KPNA7: variants seen among roughly 807,000 people sequenced by gnomAD.
KPNA7 encodes the protein importin subunit alpha-8.
In KPNA7, 54 loss-of-function variants were observed where a neutral mutation model predicts 53.7. The observed-to-expected ratio is 1.01, with a 90% CI of 0.81 to 1.26. The LOEUF is 1.26. Ranked by LOEUF, KPNA7 falls within the 50% of genes most tolerant of loss-of-function variation. KPNA7 has a pLI of 0.00. For missense variants in KPNA7, 640 were observed against 644.5 expected, an observed-to-expected ratio of 0.99 and a Z score of 0.07; for synonymous variants, 276 against 259.3, an observed-to-expected ratio of 1.06 and a Z score of -0.62.
rs959675792 is a variant in KPNA7, at chr7:99,191,925, C to T, written c.636+1094G>A. Among the ~76,000 whole-genome samples, 5 of 152,178 alleles carry T rather than the reference C, an allele frequency of 3.3e-5. No individual in the cohort carries two copies. In the South Asian group the frequency reaches 1.0e-3, roughly 32 times the overall value. On this transcript the variant is annotated intron_variant, in intron 6 of 10. Coordinates refer to ENST00000327442, the MANE Select transcript of KPNA7 (RefSeq NM_001145715.3). ...TCAGCTTCCCAAATTGTTGGGATTA[C>T]AGGTGTGAGCCACGGTTCCCAGATG... is the stretch of plus-strand genomic sequence containing the variant.
Position 99,207,613 on chromosome 7 carries a change from CTTTTTTTTTTTTTTTTTTT to C in KPNA7, c.-23-143_-23-125del, listed in dbSNP as rs754881370. On this transcript the variant is annotated intron_variant, in intron 1 of 10. Transcript: ENST00000327442. ...GCAAAGGGCAGACCCAGGAAGCTAG[CTTTTTTTTTTTTTTTTTTT>C]TTTTTTTTTTTTTTTTTTTTTGAGA... The C allele has an allele frequency of 1.8e-3, 223 of 123,022 alleles. 1 individual carries two copies. Among genetic ancestry groups the C allele is most frequent in the Middle Eastern group, 2.0e-3 (1 of 504 alleles). 7.6% of individuals were successfully genotyped at this position (123,022 alleles called of 1,614,324 possible). A position where few individuals can be genotyped will look rare whatever the true frequency, so the allele number is the denominator to read the frequency against.
chr7:99,182,576 C>T (rs1432871487), intron 8 of KPNA7, among the ~76,000 whole-genome samples: 1 of 152,098 alleles, frequency 6.6e-6, no homozygotes, highest in Non-Finnish European at 1.5e-5. Context: ...CTCAAGTGAT[C>T]CTCCCATCTC....
the KPNA7 span, among the ~76,000 whole-genome samples, chr7:99,159,844 G>T: frequency 6.6e-6 from 1 of 151,932 alleles, no homozygotes; most frequent in South Asian, 2.1e-4. Context: ...GGCCCACTCT[G>T]GTTAGTCAAT....
intron 7 of KPNA7, among the ~76,000 whole-genome samples, chr7:99,187,813 A>C (rs112341158): frequency 1.2e-5 from 1 of 80,204 alleles, no homozygotes; most frequent in African/African-American, 5.2e-5. Flanking sequence ...AAAAAAAAAA[A>C]AAAAAAAAAA....
At chr7:99,195,486 C>A (rs1790183556) in intron 4 of KPNA7, 148 bp from the exon 5 acceptor site, 1 of 693,296 alleles carries the variant, frequency 1.4e-6, no homozygotes. Context: ...GTCGCAAGGT[C>A]AGGAGTTCGA....
chr7:99,216,536 C>T (rs1563094805), intron 1 of KPNA7, among the ~76,000 whole-genome samples: 1 of 149,890 alleles, frequency 6.7e-6, no homozygotes, highest in East Asian at 2.0e-4. Flanking sequence ...GCCCAAGGTC[C>T]CCTAGGCTCC....
chr7:99,180,953 CTCT>C (rs1799196452), intron 9 of KPNA7, among the ~76,000 whole-genome samples: 1 of 140,348 alleles, frequency 7.1e-6, no homozygotes, highest in African/African-American at 2.8e-5. Context: ...GTGTCTCTCT[CTCT>C]CCCCATCTCT....
chr7:99,202,905 C>G (rs1790622371), intron 3 of KPNA7, among the ~76,000 whole-genome samples: 1 of 152,102 alleles, frequency 6.6e-6, no homozygotes, highest in Non-Finnish European at 1.5e-5. Flanking sequence ...AATCTAGATT[C>G]CACAGACTCA....
At chr7:99,209,374 T>C (rs79451930), upstream of KPNA7, among the ~76,000 whole-genome samples, 1 of 152,030 alleles carries the variant, frequency 6.6e-6, no homozygotes, top group South Asian at 2.1e-4. Context: ...TTACCCACAC[T>C]ACTGCAGTTG....
chr7:99,165,383 A>G, the KPNA7 span, among the ~76,000 whole-genome samples: 1 of 151,702 alleles, frequency 6.6e-6, no homozygotes, highest in African/African-American at 2.4e-5. Context: ...TGAGGAGGAA[A>G]GAGGGTACAG....
chr7:99,191,658 G>C (rs989663650), intron 6 of KPNA7, among the ~76,000 whole-genome samples: 1 of 151,790 alleles, frequency 6.6e-6, no homozygotes, highest in African/African-American at 2.4e-5. Context: ...CTCCCATCTT[G>C]AAGAGTTTTG....
chr7:99,198,603 A>G (rs1311217792), intron 3 of KPNA7, among the ~76,000 whole-genome samples: 2 of 152,184 alleles, frequency 1.3e-5, no homozygotes, highest in Admixed American at 1.3e-4. Context: ...AAAACACTCA[A>G]CAAACTGGAA....
the KPNA7 span, among the ~76,000 whole-genome samples, chr7:99,161,282 C>T: frequency 6.7e-6 from 1 of 149,892 alleles, no homozygotes; most frequent in Non-Finnish European, 1.5e-5. Context: ...ATCACTTGCT[C>T]TGGGAGAAGC....
At position 99,173,649 on chromosome 7, in the gene KPNA7, C is replaced by T; in HGVS notation, c.*59G>A. On this transcript the variant is annotated 3_prime_UTR_variant, in exon 11 of 11. Transcript: ENST00000327442. ...GTTACACTAAGATAGAGGACTGCTGCTTCTTAAAGAAGTTATCCTTTAGCA... is the reference window on the plus strand; with the variant it reads ...GTTACACTAAGATAGAGGACTGCTGTTTCTTAAAGAAGTTATCCTTTAGCA... 9.2e-7 allele frequency: 1 copy of T among 1,090,320 alleles called. No individual in the cohort carries two copies. Among genetic ancestry groups the T allele is most frequent in the Non-Finnish European group, 1.4e-6 (1 of 739,118 alleles). 67.5% of individuals were successfully genotyped at this position (1,090,320 alleles called of 1,614,324 possible).
At chr7:99,212,844 T>C (rs541223862), upstream of KPNA7, among the ~76,000 whole-genome samples, 28 of 152,172 alleles carry the variant, frequency 1.8e-4, no homozygotes, top group African/African-American at 6.3e-4. Flanking sequence ...TGAGCCATGA[T>C]TGTGCCACTG....
At chr7:99,159,470 A>G in the KPNA7 span, among the ~76,000 whole-genome samples, 1 of 151,938 alleles carries the variant, frequency 6.6e-6, no homozygotes. Context: ...TTCCAACTTT[A>G]CATTATGGAG....
At chr7:99,173,104 C>A (rs1280516174), downstream of KPNA7, among the ~76,000 whole-genome samples, 1 of 150,354 alleles carries the variant, frequency 6.7e-6, no homozygotes, top group Non-Finnish European at 1.5e-5. Context: ...AAAGTCTGTC[C>A]GGATAACTAT....
intron 6 of KPNA7, among the ~76,000 whole-genome samples, chr7:99,192,102 A>G (rs1458307658): frequency 6.6e-6 from 1 of 152,180 alleles, no homozygotes; most frequent in African/African-American, 2.4e-5. Context: ...TTCCCCATGA[A>G]CAGAACTGGT....
At chr7:99,157,811 G>A in the KPNA7 span, among the ~76,000 whole-genome samples, 4 of 152,094 alleles carry the variant, frequency 2.6e-5, no homozygotes, top group Admixed American at 6.6e-5. Context: ...GGGTCTCACT[G>A]TCACCCAGGC....
Sources: gnomAD v4.1 joint callset for allele counts (sites outside exome capture counted in the v4.1 genomes callset) on GRCh38, gnomAD v4.1.1 for gene constraint, MANE v1.5 for transcripts, NCBI Gene and HGNC (gene_info 2026-07-23, HGNC 2026-07-21) for gene names.